PTOV1: variants seen among roughly 807,000 people sequenced by gnomAD.
The protein encoded by PTOV1 is prostate tumor-overexpressed gene 1 protein.
In PTOV1, 20 loss-of-function variants were observed where a neutral mutation model predicts 58.0. The ratio of observed to expected loss-of-function variants is 0.34; its 90% confidence interval spans 0.24 to 0.50. The LOEUF (loss-of-function observed/expected upper bound fraction) is 0.50, where lower values mean the gene tolerates loss of function less well. Ranked by LOEUF, PTOV1 falls within the 20% of genes least tolerant of loss-of-function variation. The pLI is 0.98. For missense variants in PTOV1, 593 were observed against 565.4 expected, an observed-to-expected ratio of 1.05 and a Z score of -0.50; for synonymous variants, 335 against 234.2, an observed-to-expected ratio of 1.43 and a Z score of -3.93.
chr19:49,850,913 G>A (rs1221923878), upstream of PTOV1: 1 of 1,535,858 alleles, frequency 6.5e-7, no homozygotes. Flanking sequence ...CCCCCGCAAG[G>A]GGCCAGCTTG....
chr19:49,857,299 A>G, intron 6 of PTOV1, 169 bp downstream of exon 6: 1 of 966,204 alleles, frequency 1.0e-6, no homozygotes, highest in Non-Finnish European at 1.5e-6. Flanking sequence ...CTCCATGGAA[A>G]AGCGGCCACT....
In PTOV1 at chr19:49,857,148, A is replaced by G. The variant is rs1343094674; in HGVS notation, c.714+18A>G. On this transcript the variant is annotated intron_variant, in intron 6 of 11. Coordinates refer to ENST00000391842, the Ensembl canonical transcript of PTOV1. ...GCAAGCAGGTGTGCCAGCCAAGCAC[A>G]GCCCCTCTGGGGACAGAGGGGGATT... The G allele has an allele frequency of 2.5e-6, 4 of 1,613,696 alleles. No homozygotes were observed. Among genetic ancestry groups the G allele is most frequent in the Non-Finnish European group, 3.4e-6 (4 of 1,179,874 alleles).
intron 5 of PTOV1, 126 bp downstream of exon 5, chr19:49,855,203 C>G: frequency 1.1e-5 from 10 of 873,414 alleles, no homozygotes; most frequent in Non-Finnish European, 1.8e-6. Context: ...CTCGTGGCCT[C>G]TCGGACCCCA....
chr19:49,851,952 C>A (rs556999638), intron 1 of PTOV1: 5 of 985,166 alleles, frequency 5.1e-6, no homozygotes, highest in Middle Eastern at 5.2e-4. Flanking sequence ...TCTCCCCTGG[C>A]GGCCGCTCCG....
In PTOV1 at chr19:49,856,806, C is replaced by T. The variant is rs139341670; in HGVS notation, c.559-169C>T. On this transcript the variant is annotated intron_variant, in intron 5 of 11. Coordinates refer to ENST00000391842, the Ensembl canonical transcript of PTOV1. Reference sequence around the variant, plus strand: ...GGCAGGGTCGGGGGATGCCGATGGGCGCTGCACGGGCTCTCAGAGGCCCCT... The same window carrying T: ...GGCAGGGTCGGGGGATGCCGATGGGTGCTGCACGGGCTCTCAGAGGCCCCT... 1.4e-3 allele frequency: 1,105 copies of T among 766,556 alleles called. 13 individuals are homozygous for T. In the African/African-American group the frequency reaches 0.017, roughly 12 times the overall value. 47.5% of individuals were successfully genotyped at this position (766,556 alleles called of 1,614,324 possible). A position where few individuals can be genotyped will look rare whatever the true frequency, so the allele number is the denominator to read the frequency against.
chr19:49,854,284 G>C (rs1036919317), intron 1 of PTOV1, 122 bp from the exon 2 acceptor site: 1 of 1,336,968 alleles, frequency 7.5e-7, no homozygotes, highest in African/African-American at 1.5e-5. Context: ...ACATGGCCCC[G>C]TGGGCTTCCA....
exon 12 of PTOV1, chr19:49,860,321 G>T (rs1568654529): frequency 7.3e-7 from 1 of 1,361,474 alleles, no homozygotes; most frequent in Non-Finnish European, 9.8e-7. Flanking sequence ...CACAGATGAG[G>T]CCCCCGCAGA....
At chr19:49,851,207 T>TGGTACGGCTC in exon 1 of PTOV1, 3 of 1,198,390 alleles carry the variant, frequency 2.5e-6, no homozygotes, top group Non-Finnish European at 3.1e-6. Context: ...CCCCCGAGCT[T>TGGTACGGCTC]GGTACGGCTC....
chr19:49,854,446 C>T (rs200987923), exon 2 of PTOV1: 3 of 1,612,098 alleles, frequency 1.9e-6, no homozygotes, highest in East Asian at 2.2e-5. Context: ...CCCATCGGTC[C>T]CTCCTCACCT....
exon 11 of PTOV1, chr19:49,860,015 A>G (rs1266133697): frequency 4.3e-6 from 7 of 1,614,172 alleles, no homozygotes; most frequent in South Asian, 2.2e-5. Context: ...CCTACAAAGC[A>G]TCGTGTGAGA....
At chr19:49,851,344 C>A (rs2074236321) in exon 1 of PTOV1, 21 of 1,088,998 alleles carry the variant, frequency 1.9e-5, no homozygotes, top group Non-Finnish European at 2.3e-5. Flanking sequence ...CCGTCCGCGC[C>A]GTGCCCCGTA....
chr19:49,852,942 C>T (rs564407329), intron 1 of PTOV1: 1 of 152,300 alleles, frequency 6.6e-6, no homozygotes, highest in South Asian at 2.1e-4. Context: ...GCCTGAAGCC[C>T]CCGGGGCAAC....
rs763870090 is a variant in PTOV1 at position 49,860,140 on chromosome 19, A to AG, written c.1198dup (p.Val400GlyfsTer41). On this transcript the variant is annotated frameshift_variant, in exon 11 of 12. Coordinates refer to ENST00000391842, the Ensembl canonical transcript of PTOV1. LOFTEE classifies it high-confidence loss of function. Reference sequence around the variant, plus strand: ...CGGCGTGTCATTGCCAACCAGCAGCAGGTCCTGCAGCGGAACCTGGAGCAG... The same window carrying AG: ...CGGCGTGTCATTGCCAACCAGCAGCAGGGTCCTGCAGCGGAACCTGGAGCAG... The AG allele has an allele frequency of 6.2e-7, 1 of 1,614,228 alleles. No homozygotes were observed. The highest frequency in any genetic ancestry group is 8.5e-7 in the Non-Finnish European group (1 of 1,180,036).
At chr19:49,857,971 A>G in exon 8 of PTOV1, 1 of 1,613,068 alleles carries the variant, frequency 6.2e-7, no homozygotes, top group Non-Finnish European at 8.5e-7. Flanking sequence ...AACCAGGGGG[A>G]GATCCTGTGA....
At chr19:49,854,510 G>C (rs761907415) in exon 2 of PTOV1, 2 of 1,613,212 alleles carry the variant, frequency 1.2e-6, no homozygotes, top group South Asian at 2.2e-5. Flanking sequence ...GCAACAAGCT[G>C]CTGGCTTGGA....
rs2074673845 is a variant in PTOV1 at position 49,859,912 on chromosome 19, G to A, written c.1042-74G>A. 3.2e-5 allele frequency: 49 copies of A among 1,524,238 alleles called. 2 individuals carry two copies. In the South Asian group the frequency reaches 3.6e-4, roughly 11 times the overall value. The allele number at this position is 1,524,238 out of a possible 1,614,324, so 94.4% of individuals were successfully genotyped here. On this transcript the variant is annotated intron_variant, in intron 10 of 11. Coordinates refer to ENST00000391842, the Ensembl canonical transcript of PTOV1. ...GCTGTGCCTGGCTCATGGAGCCCAC[G>A]GCATGATGCCGTGGTTGGAGGGATG... is the stretch of plus-strand genomic sequence containing the variant.
chr19:49,855,016 A>G (rs1568641455), exon 5 of PTOV1: 1 of 1,600,884 alleles, frequency 6.2e-7, no homozygotes, highest in Admixed American at 1.7e-5. Flanking sequence ...GCACAGTTCC[A>G]CTTCACCAAC....
At chr19:49,851,193 G>A (rs1600348509) in exon 1 of PTOV1, 3 of 1,215,122 alleles carry the variant, frequency 2.5e-6, no homozygotes, top group East Asian at 7.3e-5. Context: ...CTCCGGCGGC[G>A]CGTCCCCCGA....
At chr19:49,860,142 G>A in exon 11 of PTOV1, 5 of 1,614,198 alleles carry the variant, frequency 3.1e-6, no homozygotes, top group Non-Finnish European at 4.2e-6. Context: ...CCAGCAGCAG[G>A]TCCTGCAGCG....
Sources: allele counts gnomAD v4.1 joint callset, GRCh38; gene constraint gnomAD v4.1.1; transcripts MANE v1.5; gene names NCBI Gene and HGNC (gene_info 2026-07-23, HGNC 2026-07-21).